Variants in UBTF observed in about 807,000 individuals in gnomAD.
UBTF encodes the protein upstream binding transcription factor.
In UBTF, 8 loss-of-function variants were observed where a neutral mutation model predicts 112.3. The observed-to-expected ratio is 0.07, with a 90% CI of 0.04 to 0.13. The LOEUF (loss-of-function observed/expected upper bound fraction) is 0.13, where lower values mean the gene tolerates loss of function less well. Ranked by LOEUF, UBTF falls within the 10% of genes least tolerant of loss-of-function variation. The probability of loss-of-function intolerance (pLI) is 1.00; values close to 1 mark genes in which losing one functional copy is unlikely to be tolerated. For missense variants in UBTF, 457 were observed against 982.1 expected (o/e 0.47, Z 7.15); for synonymous variants, 417 against 373.1 (o/e 1.12, Z -1.36).
intron 7 of UBTF, 47 bp downstream of exon 7, chr17:44,212,772 G>A (rs765500676): frequency 7.5e-6 from 12 of 1,607,040 alleles, no homozygotes; most frequent in African/African-American, 2.7e-5. Context: ...CTCCCCCCTG[G>A]CCACCGCCGT....
intron 5 of UBTF, 165 bp downstream of exon 5, chr17:44,215,489 C>T (rs528964325): frequency 2.0e-5 from 16 of 818,198 alleles, no homozygotes; most frequent in South Asian, 8.7e-5. Context: ...ATGTGTGGGC[C>T]GAGGAAGGGG....
At chr17:44,212,730 C>G (rs767990213) in intron 7 of UBTF, 89 bp downstream of exon 7, 2 of 1,578,050 alleles carry the variant, frequency 1.3e-6, no homozygotes, top group Non-Finnish European at 1.7e-6. Context: ...CTCTCCTGCT[C>G]CCCTGCACCG....
In UBTF at chr17:44,213,605, C is replaced by G. The variant is rs898396768; in HGVS notation, c.475-323G>C. On this transcript the variant is annotated intron_variant, in intron 5 of 20. Coordinates refer to ENST00000436088, the MANE Select transcript of UBTF (RefSeq NM_014233.4). ...CGCAGTGGCAGCGCTGAGCCTCCCC[C>G]ACTCGTTTCTCCAACACCATAGAAC... Among the ~76,000 whole-genome samples, 4 of 152,220 alleles carry G rather than the reference C, an allele frequency of 2.6e-5. 1 individual carries two copies. The highest frequency in any genetic ancestry group is 9.6e-5 in the African/African-American group (4 of 41,456).
In UBTF at chr17:44,210,191, T is replaced by C; in HGVS notation, c.1559A>G (p.Asn520Ser). The C allele has an allele frequency of 6.2e-7, 1 of 1,614,240 alleles. No homozygotes were observed. Among genetic ancestry groups the C allele is most frequent in the South Asian group, 1.1e-5 (1 of 91,092 alleles). ...CAGTTTCTCCTTCTTTTCCATGTTA[T>C]TCCAGGTCATTTCCATGGCTTTCAA... ...KALKAMEMTW[N>S]NMEKKEKLMW... Residue 520 changes from asparagine to serine, a missense_variant, in exon 15 of 21, where the codon AAT becomes AGT. Transcript: ENST00000436088.
Position 44,213,287 on chromosome 17 carries a change from G to A in UBTF, c.475-5C>T. On this transcript the variant is annotated splice_region_variant and splice_polypyrimidine_tract_variant and intron_variant, in intron 5 of 20. Coordinates refer to ENST00000436088, the MANE Select transcript of UBTF (RefSeq NM_014233.4). The stretch of plus-strand genomic sequence containing the variant: ...GAAGTCCTGAATATATTTCATCTGG[G>A]GGGAGGAGGGGATGGGGTCACTCAG... 1.9e-6 allele frequency: 3 copies of A among 1,613,074 alleles called. No homozygotes were observed. Among genetic ancestry groups the A allele is most frequent in the Non-Finnish European group, 2.5e-6 (3 of 1,179,522 alleles).
chr17:44,212,692 A>G, intron 7 of UBTF, 127 bp downstream of exon 7: 1 of 1,511,564 alleles, frequency 6.6e-7, no homozygotes, highest in African/African-American at 1.4e-5. Flanking sequence ...GGCCCTGTCC[A>G]TGCAGCCCAC....
At chr17:44,216,353 G>T (rs2046845583) in intron 3 of UBTF, 176 bp downstream of exon 3, 1 of 736,494 alleles carries the variant, frequency 1.4e-6, no homozygotes, top group Non-Finnish European at 2.3e-6. Context: ...ATAACTTTAA[G>T]CCAGTGCTGT....
At chr17:44,219,713 C>G (rs1052551553), upstream of UBTF, 5 of 153,454 alleles carry the variant, frequency 3.3e-5, no homozygotes, top group Admixed American at 2.0e-4. Context: ...AGCCCGCCCG[C>G]CGCCGGCCCC....
upstream of UBTF, among the ~76,000 whole-genome samples, chr17:44,220,027 T>C (rs1445463179): frequency 1.1e-5 from 1 of 95,044 alleles, no homozygotes; most frequent in Non-Finnish European, 2.0e-5. Flanking sequence ...AGGGGGGTGG[T>C]GGTGGTGGTG....
chr17:44,207,272 T>A lies in UBTF; in HGVS notation c.2265A>T (p.Ser755=). The change falls in exon 21 of 21, where the codon TCA becomes TCT. Residue 755 remains serine, a synonymous_variant. Coordinates refer to ENST00000436088, the MANE Select transcript of UBTF (RefSeq NM_014233.4). ...SEGSSSSSSS[S]GDSSDSDSN is the part of the protein sequence containing the mutation. ...TGGAGTCAGAGTCTGAGGAGTCCCCTGAGGAGGAGGAGCTGGAGCTGCTGC... is the reference window on the plus strand; with the variant it reads ...TGGAGTCAGAGTCTGAGGAGTCCCCAGAGGAGGAGGAGCTGGAGCTGCTGC... The A allele has an allele frequency of 6.2e-7, 1 of 1,613,558 alleles. No homozygotes were observed. Among genetic ancestry groups the A allele is most frequent in the South Asian group, 1.1e-5 (1 of 90,906 alleles).
intron 15 of UBTF, 61 bp from the exon 16 acceptor site, chr17:44,209,794 G>A: frequency 6.5e-7 from 1 of 1,550,206 alleles, no homozygotes; most frequent in Non-Finnish European, 8.8e-7. Context: ...GCTGCCTTCT[G>A]CCTCATGCCA....
At chr17:44,208,396 C>T (rs1186298098) in intron 17 of UBTF, among the ~76,000 whole-genome samples, 1 of 152,188 alleles carries the variant, frequency 6.6e-6, no homozygotes, top group African/African-American at 2.4e-5. Context: ...TGAGCCACTG[C>T]GCTGGCCCAA....
chr17:44,211,654 C>T lies in UBTF; in HGVS notation c.999G>A (p.Lys333=), dbSNP rs147270397. 37 of 1,611,392 alleles carry T rather than the reference C, an allele frequency of 2.3e-5. No individual in the cohort carries two copies. The African/African-American group carries it at 2.4e-4, about 10-fold the overall frequency. The part of the protein sequence containing the change: ...ERMVLCSQQW[K]LLSQKEKDAY... ...CGTCCTTCTCCTTCTGGGACAGCAG[C>T]TTCCACTGCTGGCTGCACAGCACCA... is the stretch of plus-strand genomic sequence containing the variant. Residue 333 remains lysine (K), a synonymous_variant, in exon 10 of 21, where the codon AAG becomes AAA. Transcript: ENST00000436088. This position sits in a 1 kb window ranked among gnomAD's most constrained non-coding sequence, Gnocchi z 4.9.
intron 6 of UBTF, 70 bp from the exon 7 acceptor site, chr17:44,213,009 C>A (rs950319211): frequency 1.3e-6 from 2 of 1,587,754 alleles, no homozygotes; most frequent in Non-Finnish European, 1.7e-6. Context: ...AGCTGCCCCA[C>A]CCACCAAGCC....
At chr17:44,217,779 C>T (rs752478581) in intron 2 of UBTF, among the ~76,000 whole-genome samples, 5 of 152,208 alleles carry the variant, frequency 3.3e-5, no homozygotes, top group African/African-American at 4.8e-5. Context: ...TTTTCTCCAC[C>T]TGCCTCTACA....
At chr17:44,208,910 G>A (rs868834279) in intron 17 of UBTF, 1 of 360,394 alleles carries the variant, frequency 2.8e-6, no homozygotes, top group Non-Finnish European at 5.5e-6. Flanking sequence ...AGTGGCTGCG[G>A]ACGGTGGCTC....
chr17:44,210,120 C>T lies in UBTF; in HGVS notation c.1626+4G>A, dbSNP rs758381714. On this transcript the variant is annotated splice_donor_region_variant and intron_variant, in intron 15 of 20. Coordinates refer to ENST00000436088, the MANE Select transcript of UBTF (RefSeq NM_014233.4). ...GAATGGGGTGGCCCCAGCCCCATTC[C>T]TACCTCATATCGCTTTTGGTCTTCG... is the stretch of plus-strand genomic sequence containing the variant. 3.1e-6 allele frequency: 5 copies of T among 1,614,194 alleles called. No individual in the cohort carries two copies. In the African/African-American group the frequency reaches 4.0e-5, roughly 13 times the overall value.
At chr17:44,212,570 TC>T in intron 7 of UBTF, 116 bp from the exon 8 acceptor site, 1 of 1,031,794 alleles carries the variant, frequency 9.7e-7, no homozygotes, top group Non-Finnish European at 1.4e-6. Context: ...CACATCAGTG[TC>T]CCCCACAGGC....
Position 44,215,782 on chromosome 17 carries a change from G to A in UBTF, c.346C>T (p.Leu116=), listed in dbSNP as rs1475095232. 3 of 1,614,050 alleles carry A rather than the reference G, an allele frequency of 1.9e-6. No individual in the cohort carries two copies. The highest frequency in any genetic ancestry group is 2.7e-5 in the African/African-American group (2 of 74,916). ...KKHPDFPKKP[L]TPYFRFFMEK... Reference sequence around the variant, plus strand: ...ATGAAGAAGCGGAAATAAGGGGTCAGGGGCTTCTTTGGGAAGTCTGGGTGT... The same window carrying A: ...ATGAAGAAGCGGAAATAAGGGGTCAAGGGCTTCTTTGGGAAGTCTGGGTGT... The change falls in exon 5 of 21, where the codon CTG becomes TTG. Residue 116 remains leucine (L), a synonymous_variant. Transcript: ENST00000436088.
Sources: gnomAD v4.1 joint callset for allele counts (sites outside exome capture counted in the v4.1 genomes callset) on GRCh38, gnomAD v4.1.1 for gene constraint, Gnocchi (gnomAD v3.1) non-coding constraint, MANE v1.5 for transcripts, NCBI Gene and HGNC (gene_info 2026-07-23, HGNC 2026-07-21) for gene names.